The following USP39 variants were observed in gnomAD, a reference collection of about 807,000 sequenced individuals.
USP39 encodes ubiquitin specific peptidase 39, also known as ubiquitin carboxyl-terminal hydrolase 39.
A neutral mutation model predicts 66.4 loss-of-function variants in USP39; 38 were observed. The ratio of observed to expected loss-of-function variants is 0.57; its 90% CI spans 0.44 to 0.75. The LOEUF (loss-of-function observed/expected upper bound fraction) is 0.75. USP39 is among the 30% of genes least tolerant of loss of function. The probability of loss-of-function intolerance (pLI) is 0.00; values close to 1 mark genes in which losing one functional copy is unlikely to be tolerated. For missense variants in USP39, 608 were observed against 714.4 expected (o/e 0.85, Z 1.70); for synonymous variants, 303 against 274.6 (o/e 1.10, Z -1.02).
chr2:85,647,789 G>C, intron 11 of USP39, 141 bp from the exon 12 acceptor site: 2 of 638,444 alleles, frequency 3.1e-6, no homozygotes, highest in Non-Finnish European at 5.3e-6. Context: ...AAGAAGTCAT[G>C]TACCCTCTTC....
At chr2:85,646,981 G>C (rs1319377785) in intron 11 of USP39, among the ~76,000 whole-genome samples, 2 of 150,814 alleles carry the variant, frequency 1.3e-5, no homozygotes, top group South Asian at 2.1e-4. Flanking sequence ...TCCACCTCCT[G>C]GGTTCAAGTG....
intron 1 of USP39, among the ~76,000 whole-genome samples, chr2:85,606,100 G>T (rs1673202392): frequency 6.6e-6 from 1 of 152,158 alleles, no homozygotes; most frequent in African/African-American, 2.4e-5. Flanking sequence ...TTAAAATACA[G>T]GCTTAAATTC....
At chr2:85,638,789 G>A (rs908817747) in intron 8 of USP39, among the ~76,000 whole-genome samples, 3 of 151,170 alleles carry the variant, frequency 2.0e-5, no homozygotes, top group Admixed American at 6.6e-5. Flanking sequence ...TACCTGCCTC[G>A]GCCTCCCAAA....
chr2:85,630,274 A>G (rs780827408), intron 5 of USP39, among the ~76,000 whole-genome samples: 3 of 152,140 alleles, frequency 2.0e-5, no homozygotes, highest in Admixed American at 6.6e-5. Context: ...TTTAGTGTGG[A>G]GTTGAGAGAT....
intron 1 of USP39, among the ~76,000 whole-genome samples, chr2:85,616,686 T>C (rs1473943112): frequency 1.4e-5 from 2 of 147,818 alleles, no homozygotes; most frequent in Non-Finnish European, 3.0e-5. Flanking sequence ...TTCTTTTTTT[T>C]TTTTTTTTTG....
At chr2:85,615,873 A>AC, upstream of USP39, among the ~76,000 whole-genome samples, 1 of 151,638 alleles carries the variant, frequency 6.6e-6, no homozygotes. Flanking sequence ...CAGGTGATCC[A>AC]CCCGCCTCGG....
chr2:85,606,690 C>T (rs1044726920), intron 1 of USP39: 1 of 152,062 alleles, frequency 6.6e-6, no homozygotes, highest in African/African-American at 2.4e-5. Flanking sequence ...AAGGAGTTTC[C>T]ATCAGTCCCG....
intron 11 of USP39, 137 bp downstream of exon 11, chr2:85,645,220 A>C (rs1676550285): frequency 8.8e-7 from 1 of 1,140,710 alleles, no homozygotes; most frequent in Non-Finnish European, 1.2e-6. Context: ...TGCTGTCAGT[A>C]GTTAGTTTAA....
upstream of USP39, chr2:85,616,032 G>A: frequency 1.6e-6 from 2 of 1,275,454 alleles, no homozygotes; most frequent in African/African-American, 1.5e-5. Flanking sequence ...GAGGAAGCCA[G>A]TGCAGGAACA....
intron 3 of USP39, 129 bp from the exon 4 acceptor site, chr2:85,623,517 G>T: frequency 7.7e-7 from 1 of 1,302,704 alleles, no homozygotes. Flanking sequence ...TTCATTTTAT[G>T]AATGGCATAA....
At chr2:85,623,614 C>G in intron 3 of USP39, 32 bp from the exon 4 acceptor site, 3 of 1,600,384 alleles carry the variant, frequency 1.9e-6, no homozygotes, top group Non-Finnish European at 2.6e-6. Flanking sequence ...AGTATCTGCC[C>G]TTCTATTACA....
At chr2:85,624,501 T>C (rs1046610852) in intron 4 of USP39, among the ~76,000 whole-genome samples, 2 of 152,154 alleles carry the variant, frequency 1.3e-5, no homozygotes, top group African/African-American at 2.4e-5. Flanking sequence ...GTTACCATCA[T>C]GCCCAGATAC....
At chr2:85,628,656 C>T (rs1227281343) in intron 5 of USP39, among the ~76,000 whole-genome samples, 1 of 152,126 alleles carries the variant, frequency 6.6e-6, no homozygotes, top group East Asian at 1.9e-4. Flanking sequence ...CTGAGGATGA[C>T]CAATATTATT....
Position 85,603,581 on chromosome 2 carries a change from T to C in USP39, n.226+500T>C, listed in dbSNP as rs112960028. Among the ~76,000 whole-genome samples, 230 of 152,024 alleles carry C rather than the reference T, an allele frequency of 1.5e-3. 1 individual carries two copies. Among genetic ancestry groups the C allele is most frequent in the African/African-American group, 5.2e-3 (215 of 41,490 alleles). On this transcript the variant is annotated intron_variant and non_coding_transcript_variant, in intron 1 of 12. Coordinates refer to the USP39 transcript ENST00000459775. ...CATTCCTGGATGTTTCTTTTTTTTTTACTTTTTCTTTTTCTTTTTTTTTTT... is the reference window on the plus strand; with the variant it reads ...CATTCCTGGATGTTTCTTTTTTTTTCACTTTTTCTTTTTCTTTTTTTTTTT...
At chr2:85,639,121 C>T (rs1417842085) in intron 8 of USP39, 82 bp from the exon 9 acceptor site, 5 of 1,346,634 alleles carry the variant, frequency 3.7e-6, no homozygotes, top group Admixed American at 5.1e-5. Context: ...AAGGAAATGT[C>T]GGCGTGGTAA....
intron 10 of USP39, among the ~76,000 whole-genome samples, chr2:85,643,233 G>C (rs1676379509): frequency 6.6e-6 from 1 of 152,268 alleles, no homozygotes; most frequent in African/African-American, 2.4e-5. Flanking sequence ...GCTCACACCT[G>C]TAATCCCAGC....
intron 4 of USP39, among the ~76,000 whole-genome samples, chr2:85,624,805 A>G (rs867489783): frequency 9.0e-4 from 137 of 152,148 alleles, no homozygotes; most frequent in African/African-American, 3.1e-3. Context: ...TTCTACTAGA[A>G]ATACAAAATT....
upstream of USP39, among the ~76,000 whole-genome samples, chr2:85,615,926 G>A (rs1482701644): frequency 1.3e-5 from 2 of 152,214 alleles, no homozygotes; most frequent in Non-Finnish European, 1.5e-5. Flanking sequence ...CACCGCGCCC[G>A]GCCTGACAGC....
chr2:85,615,246 C>T (rs1003527503), upstream of USP39, among the ~76,000 whole-genome samples: 3 of 152,178 alleles, frequency 2.0e-5, 1 homozygote, highest in South Asian at 2.1e-4. Flanking sequence ...GTCTCCAGTC[C>T]TGACCTCAGG....
Sources: gnomAD v4.1 joint callset for allele counts (sites outside exome capture counted in the v4.1 genomes callset) on GRCh38, gnomAD v4.1.1 for gene constraint, MANE v1.5 for transcripts, NCBI Gene and HGNC (gene_info 2026-07-23, HGNC 2026-07-21) for gene names.